Variants in STEAP3 observed in about 807,000 individuals in gnomAD.
STEAP3 encodes the protein STEAP3 metalloreductase, also known as metalloreductase STEAP3.
STEAP3 carries 35 observed loss-of-function variants against 34.9 expected under a neutral mutation model. That is an observed-to-expected ratio of 1.00 (90% CI 0.76 to 1.33). STEAP3 has a LOEUF of 1.33. STEAP3 is among the 40% of genes most tolerant of loss of function. The pLI, the probability that STEAP3 is intolerant of heterozygous loss-of-function variation, is 0.00. For synonymous variants in STEAP3, 281 were observed against 301.6 expected, an observed-to-expected ratio of 0.93 and a Z score of 0.71; for missense variants, 652 against 667.6, an observed-to-expected ratio of 0.98 and a Z score of 0.26.
At chr2:119,260,683 G>A (rs374485868) in intron 5 of STEAP3, among the ~76,000 whole-genome samples, 1 of 152,216 alleles carries the variant, frequency 6.6e-6, no homozygotes, top group South Asian at 2.1e-4. Flanking sequence ...AGTTGGGGTG[G>A]CTCAGAAGTT....
chr2:119,242,454 G>A (rs1416777975), intron 2 of STEAP3, among the ~76,000 whole-genome samples: 2 of 152,184 alleles, frequency 1.3e-5, no homozygotes, highest in African/African-American at 4.8e-5. Context: ...AATTGCAGAT[G>A]CTGGCCTGCG....
chr2:119,238,372 A>G (rs1052510805), intron 2 of STEAP3, among the ~76,000 whole-genome samples: 2 of 152,096 alleles, frequency 1.3e-5, no homozygotes, highest in African/African-American at 2.4e-5. Flanking sequence ...TGTGGTTTTC[A>G]TTTGCATTTC....
At position 119,245,591 on chromosome 2, in the gene STEAP3, G is replaced by A. The variant is rs762616850; in HGVS notation, c.125G>A (p.Gly42Asp). ...AKVPDEAPKV[G>D]ILGSGDFARS... ...GTCCCCGATGAGGCCCCCAAAGTGG[G>A]CATCCTGGGTAGCGGGGACTTTGCC... is the stretch of plus-strand genomic sequence containing the variant. Residue 42 changes from glycine (G) to aspartate (D), a missense_variant, in exon 3 of 6, where the codon GGC (glycine) becomes GAC (aspartate). Physicochemically the swap from Gly to Asp is moderately conservative, Grantham distance 94. Transcript: ENST00000393110. 2 of 1,607,138 alleles carry A rather than the reference G, an allele frequency of 1.2e-6. No individual in the cohort carries two copies. The highest frequency in any genetic ancestry group is 8.5e-7 in the Non-Finnish European group (1 of 1,174,320).
Position 119,230,908 on chromosome 2 carries a change from A to G in STEAP3, c.-105A>G. The G allele has an allele frequency of 6.6e-7, 1 of 1,526,208 alleles. No homozygotes were observed. Among genetic ancestry groups the G allele is most frequent in the East Asian group, 2.3e-5 (1 of 44,252 alleles). 94.5% of individuals were successfully genotyped at this position (1,526,208 alleles called of 1,614,324 possible). ...GCCTCCTGAGAAACCGAGAGTCAGA[A>G]CCAAAGCCAGGCTGTCCTGGTTGGA... On this transcript the variant is annotated 5_prime_UTR_variant, in exon 2 of 6. Coordinates refer to ENST00000393110, the MANE Select transcript of STEAP3 (RefSeq NM_182915.3).
chr2:119,239,935 G>C lies in STEAP3; in HGVS notation c.23-5554G>C, dbSNP rs1434402668. Among the ~76,000 whole-genome samples, 4 of 152,194 alleles carry C rather than the reference G, an allele frequency of 2.6e-5. No individual in the cohort carries two copies. In the East Asian group the frequency reaches 7.7e-4, roughly 29 times the overall value. The stretch of plus-strand genomic sequence containing the variant: ...AACGTTATAGGGCACTGCTGCATAA[G>C]TGTACATTTTGAATGTATTTTACTT... On this transcript the variant is annotated intron_variant, in intron 2 of 5. Coordinates refer to ENST00000393110, the MANE Select transcript of STEAP3 (RefSeq NM_182915.3).
intron 2 of STEAP3, among the ~76,000 whole-genome samples, chr2:119,242,247 C>T (rs574540899): frequency 7.9e-5 from 12 of 152,290 alleles, no homozygotes; most frequent in African/African-American, 2.4e-4. Context: ...AAATCATCAG[C>T]AAATGTTGGA....
At position 119,254,708 on chromosome 2, in the gene STEAP3, T is replaced by TG; in HGVS notation, c.1078dup (p.Val360GlyfsTer176). ...GGTCTTGGCCAACAAGAGCCACCTC[T>TG]GGGTGGAGGAGGAGGTCTGGCGGAT... is the stretch of plus-strand genomic sequence containing the variant. On this transcript the variant is annotated frameshift_variant, in exon 5 of 6. Transcript: ENST00000393110. LOFTEE classifies it high-confidence loss of function. 3 of 1,614,162 alleles carry TG rather than the reference T, an allele frequency of 1.9e-6. No individual in the cohort carries two copies. The highest frequency in any genetic ancestry group is 2.5e-6 in the Non-Finnish European group (3 of 1,180,024).
chr2:119,245,420 G>A, intron 2 of STEAP3, 69 bp from the exon 3 acceptor site: 2 of 1,518,224 alleles, frequency 1.3e-6, no homozygotes, highest in Non-Finnish European at 8.8e-7. Flanking sequence ...CGATGTATAA[G>A]AGGAGGGAGG....
intron 5 of STEAP3, among the ~76,000 whole-genome samples, chr2:119,256,150 T>C (rs1490425931): frequency 1.3e-5 from 2 of 152,330 alleles, no homozygotes; most frequent in African/African-American, 4.8e-5. Flanking sequence ...TCAGGGACAG[T>C]GACAGCGTAA....
chr2:119,240,434 G>A (rs985793953), intron 2 of STEAP3, among the ~76,000 whole-genome samples: 35 of 152,278 alleles, frequency 2.3e-4, no homozygotes, highest in Non-Finnish European at 5.9e-5. Flanking sequence ...AATCCATACC[G>A]ACCTCACAGC....
intron 2 of STEAP3, among the ~76,000 whole-genome samples, chr2:119,233,890 C>G (rs1677015304): frequency 6.6e-6 from 1 of 152,196 alleles, no homozygotes; most frequent in Non-Finnish European, 1.5e-5. Context: ...AAAGTTGGAG[C>G]TGGCCCATGG....
intron 2 of STEAP3, chr2:119,245,010 AC>A (rs1449838620): frequency 6.1e-6 from 1 of 163,190 alleles, no homozygotes; most frequent in Non-Finnish European, 1.4e-5. Flanking sequence ...CATAAGAAGA[AC>A]TGCTCCAAGA....
At chr2:119,230,554 G>A (rs189593388) in intron 1 of STEAP3, 66 bp from the exon 2 acceptor site, 32 of 170,116 alleles carry the variant, frequency 1.9e-4, no homozygotes, top group Non-Finnish European at 2.2e-4. Context: ...GTTTGCCTTT[G>A]TATCCCGAAG....
At chr2:119,225,228 C>G (rs1480907584) in intron 1 of STEAP3, among the ~76,000 whole-genome samples, 1 of 152,234 alleles carries the variant, frequency 6.6e-6, no homozygotes, top group Non-Finnish European at 1.5e-5. Flanking sequence ...ATCTCTGTCC[C>G]TGGTGGCCTG....
At chr2:119,236,972 A>G (rs1023468927) in intron 2 of STEAP3, among the ~76,000 whole-genome samples, 1 of 152,252 alleles carries the variant, frequency 6.6e-6, no homozygotes, top group African/African-American at 2.4e-5. Flanking sequence ...GGTACTGATT[A>G]TATAAGCCTC....
At chr2:119,251,512 G>A (rs1677625430) in intron 4 of STEAP3, among the ~76,000 whole-genome samples, 1 of 152,074 alleles carries the variant, frequency 6.6e-6, no homozygotes, top group Non-Finnish European at 1.5e-5. Context: ...TCAAAGAAAT[G>A]TTTAACCTGC....
chr2:119,229,432 C>T (rs573614344), intron 1 of STEAP3, among the ~76,000 whole-genome samples: 3 of 152,280 alleles, frequency 2.0e-5, no homozygotes, highest in South Asian at 2.1e-4. Flanking sequence ...GGCAGAGGGG[C>T]CACGTGCAGT....
chr2:119,239,666 G>T (rs994087639), intron 2 of STEAP3, among the ~76,000 whole-genome samples: 1 of 152,108 alleles, frequency 6.6e-6, no homozygotes, highest in Non-Finnish European at 1.5e-5. Flanking sequence ...CTCTCAATTC[G>T]TCAAAGTTCG....
intron 1 of STEAP3, among the ~76,000 whole-genome samples, chr2:119,229,702 T>C (rs1291906206): frequency 6.6e-6 from 1 of 151,710 alleles, no homozygotes; most frequent in African/African-American, 2.4e-5. Context: ...AGATGGCAGG[T>C]GCCTTAAGTG....
Sources: gnomAD v4.1 joint callset for allele counts (sites outside exome capture counted in the v4.1 genomes callset) on GRCh38, gnomAD v4.1.1 for gene constraint, MANE v1.5 for transcripts, NCBI Gene and HGNC (gene_info 2026-07-23, HGNC 2026-07-21) for gene names.